The following NEDD4L variants were observed in gnomAD, a reference collection of about 807,000 sequenced individuals.
The protein encoded by NEDD4L is NEDD4 like E3 ubiquitin protein ligase, also known as E3 ubiquitin-protein ligase NEDD4-like.
A neutral mutation model predicts 148.9 loss-of-function variants in NEDD4L; 54 were observed. The ratio of observed to expected loss-of-function variants is 0.36; its 90% CI spans 0.29 to 0.45. The LOEUF (loss-of-function observed/expected upper bound fraction) is 0.45, where lower values mean the gene tolerates loss of function less well. NEDD4L is among the 20% of genes least tolerant of loss of function. NEDD4L has a pLI of 1.00. For synonymous variants in NEDD4L, 433 were observed against 440.7 expected, an observed-to-expected ratio of 0.98 and a Z score of 0.22; for missense variants, 856 against 1,233.8, an observed-to-expected ratio of 0.69 and a Z score of 4.59.
intron 2 of NEDD4L, among the ~76,000 whole-genome samples, chr18:58,168,716 G>A (rs1423700295): frequency 6.6e-6 from 1 of 152,200 alleles, no homozygotes; most frequent in Non-Finnish European, 1.5e-5. Flanking sequence ...GTAGGCATTG[G>A]AGCCCTTGCT....
At chr18:58,250,797 AC>A (rs1218671080) in intron 4 of NEDD4L, among the ~76,000 whole-genome samples, 6 of 152,152 alleles carry the variant, frequency 3.9e-5, no homozygotes, top group African/African-American at 1.4e-4. Context: ...GAGAATCCTT[AC>A]CTGCAAGGGT....
At position 58,277,280 on chromosome 18, in the gene NEDD4L, C is replaced by G. The variant is rs76579372; in HGVS notation, c.297+25226C>G. Among the ~76,000 whole-genome samples, 186 of 151,996 alleles carry G rather than the reference C, an allele frequency of 1.2e-3. 5 individuals are homozygous for G. In the East Asian group the frequency reaches 0.033, roughly 27 times the overall value. On this transcript the variant is annotated intron_variant, in intron 5 of 30. Coordinates refer to ENST00000400345, the MANE Select transcript of NEDD4L (RefSeq NM_001144967.3). ...AAAAATGCTCTGCTGAAAACATAAG[C>G]AACAAATAAAATAGAGGATAGTAAT...
In NEDD4L at chr18:58,389,066, T is replaced by G; in HGVS notation, c.2548-19T>G. The stretch of plus-strand genomic sequence containing the variant: ...ACCTTTCACATCCTGCTTTTACATC[T>G]GGTAAATTTTCTTCCTAGTTGCTCA... On this transcript the variant is annotated intron_variant, in intron 27 of 30. Transcript: ENST00000400345. The G allele has an allele frequency of 1.9e-6, 3 of 1,600,492 alleles. No homozygotes were observed. Among genetic ancestry groups the G allele is most frequent in the Non-Finnish European group, 2.6e-6 (3 of 1,167,914 alleles).
intron 2 of NEDD4L, among the ~76,000 whole-genome samples, chr18:58,243,257 G>A (rs1052616302): frequency 1.5e-4 from 23 of 152,222 alleles, no homozygotes; most frequent in African/African-American, 3.1e-4. Flanking sequence ...CTGTATGTGC[G>A]TGTGTGTGCA....
intron 2 of NEDD4L, chr18:58,189,988 C>T (rs2039925882): frequency 6.6e-6 from 1 of 152,086 alleles, no homozygotes; most frequent in African/African-American, 2.4e-5. Context: ...TCCAGTCAAA[C>T]CAAACCAAGT....
chr18:58,130,727 A>G (rs1414192514), intron 1 of NEDD4L, among the ~76,000 whole-genome samples: 22 of 71,992 alleles, frequency 3.1e-4, no homozygotes, highest in African/African-American at 8.9e-4. Context: ...GAACTGTGGC[A>G]GTGTTGGGCT....
chr18:58,348,617 A>G (rs529276599), intron 16 of NEDD4L, among the ~76,000 whole-genome samples: 2 of 152,206 alleles, frequency 1.3e-5, no homozygotes, highest in East Asian at 1.9e-4. Context: ...CCCGGCCTAC[A>G]CTGCATTTTA....
intron 2 of NEDD4L, among the ~76,000 whole-genome samples, chr18:58,206,685 A>C (rs1375471872): frequency 2.0e-5 from 3 of 152,200 alleles, no homozygotes; most frequent in Non-Finnish European, 4.4e-5. Context: ...CAAAAACTGG[A>C]AAGAGCACAA....
At chr18:58,089,357 A>T (rs540057291) in intron 1 of NEDD4L, among the ~76,000 whole-genome samples, 2 of 151,238 alleles carry the variant, frequency 1.3e-5, no homozygotes, top group South Asian at 4.2e-4. Context: ...CTGGTCTTGA[A>T]CTCCTGACCT....
Position 58,401,209 on chromosome 18 carries a change from T to C in NEDD4L, c.*4940T>C, listed in dbSNP as rs2050825203. The C allele has an allele frequency of 6.6e-6, 1 of 152,246 alleles. No individual in the cohort carries two copies. Among genetic ancestry groups the C allele is most frequent in the Non-Finnish European group, 1.5e-5 (1 of 68,048 alleles). 9.4% of individuals were successfully genotyped at this position (152,246 alleles called of 1,614,324 possible). On this transcript the variant is annotated 3_prime_UTR_variant, in exon 31 of 31. Transcript: ENST00000400345. ...AAATTATCAATGTTTCATAACTTTT[T>C]ATTATAAACCCACCTCCTAATAGGA...
intron 2 of NEDD4L, among the ~76,000 whole-genome samples, chr18:58,178,823 T>G (rs773482574): frequency 3.3e-5 from 5 of 152,252 alleles, no homozygotes; most frequent in Non-Finnish European, 7.3e-5. Context: ...ATTGAAGAAC[T>G]GATTGATCAT....
intron 1 of NEDD4L, chr18:58,045,915 T>TG (rs1415483384): frequency 6.6e-6 from 1 of 152,062 alleles, no homozygotes; most frequent in African/African-American, 2.4e-5. Context: ...GTGTTGGGGG[T>TG]GGGGTTGGAA....
intron 2 of NEDD4L, among the ~76,000 whole-genome samples, chr18:58,180,752 T>C (rs1908630410): frequency 6.6e-6 from 1 of 152,256 alleles, no homozygotes; most frequent in Admixed American, 6.5e-5. Context: ...ATCACATTGC[T>C]TTTCTGTCCT....
intron 30 of NEDD4L, among the ~76,000 whole-genome samples, chr18:58,392,714 G>T (rs1314851118): frequency 2.0e-5 from 3 of 152,162 alleles, no homozygotes; most frequent in African/African-American, 7.2e-5. Context: ...GTAGTTCAGA[G>T]CTTTTATCCA....
rs145741477 is a variant in NEDD4L at position 58,250,416 on chromosome 18, G to A, written c.243+1479G>A. On this transcript the variant is annotated intron_variant, in intron 4 of 30. Transcript: ENST00000400345. ...GCCCGCCTTGGCCTCCCAAAGTTCTGGGATTACAGGTTCTTAAGGTCTTTA... is the reference window on the plus strand; with the variant it reads ...GCCCGCCTTGGCCTCCCAAAGTTCTAGGATTACAGGTTCTTAAGGTCTTTA... 9.1e-4 allele frequency among the ~76,000 whole-genome samples: 139 copies of A among 152,258 alleles called. 3 individuals are homozygous for A. The East Asian group carries it at 0.026, about 29-fold the overall frequency.
chr18:58,331,891 A>G (rs2059819807), intron 11 of NEDD4L, among the ~76,000 whole-genome samples: 1 of 152,242 alleles, frequency 6.6e-6, no homozygotes, highest in African/African-American at 2.4e-5. Context: ...CCTCTATTAC[A>G]TGAGTTGCAT....
Position 58,278,516 on chromosome 18 carries a change from G to C in NEDD4L, c.297+26462G>C, listed in dbSNP as rs543383600. On this transcript the variant is annotated intron_variant, in intron 5 of 30. Transcript: ENST00000400345. ...GATTTTACAGATCTTATCCTCTCCTGTTCTGCCAAAACCCCATACGGTCCT... is the reference window on the plus strand; with the variant it reads ...GATTTTACAGATCTTATCCTCTCCTCTTCTGCCAAAACCCCATACGGTCCT... 3.9e-5 allele frequency among the ~76,000 whole-genome samples: 6 copies of C among 152,274 alleles called. No individual in the cohort carries two copies. In the East Asian group the frequency reaches 1.2e-3, roughly 29 times the overall value.
At chr18:58,247,603 T>C (rs1333847844) in intron 3 of NEDD4L, 4 of 152,476 alleles carry the variant, frequency 2.6e-5, no homozygotes, top group African/African-American at 7.2e-5. Context: ...TTTGCCCTCC[T>C]TCTCCTGCTG....
intron 10 of NEDD4L, among the ~76,000 whole-genome samples, chr18:58,329,868 C>T (rs1401996826): frequency 6.6e-6 from 1 of 152,056 alleles, no homozygotes; most frequent in African/African-American, 2.4e-5. Context: ...AGGGGTCTAA[C>T]CATGTCTCAT....
Sources: gnomAD v4.1 joint callset for allele counts (sites outside exome capture counted in the v4.1 genomes callset) on GRCh38, gnomAD v4.1.1 for gene constraint, MANE v1.5 for transcripts, NCBI Gene and HGNC (gene_info 2026-07-23, HGNC 2026-07-21) for gene names.